SEM1: variants seen among roughly 807,000 people sequenced by gnomAD.
SEM1 encodes 26S proteasome complex subunit SEM1.
Under a neutral mutation model 12.7 loss-of-function variants are expected in SEM1, and 3 were observed. The observed-to-expected ratio is 0.24, with a 90% CI of 0.11 to 0.61. The LOEUF is 0.61. Ranked by LOEUF, SEM1 falls within the 20% of genes least tolerant of loss-of-function variation. The pLI, the probability that SEM1 is intolerant of heterozygous loss-of-function variation, is 0.88. For missense variants in SEM1, 59 were observed against 81.3 expected, an observed-to-expected ratio of 0.73 and a Z score of 1.06; for synonymous variants, 30 against 27.8, an observed-to-expected ratio of 1.08 and a Z score of -0.25.
chr7:96,502,631 A>T (rs1803604153), intron 3 of SEM1, among the ~76,000 whole-genome samples: 1 of 152,176 alleles, frequency 6.6e-6, no homozygotes, highest in African/African-American at 2.4e-5. Context: ...AGCTACTATT[A>T]TTTGGGTTAT....
chr7:96,667,723 C>T (rs1285051696), intron 2 of SEM1, among the ~76,000 whole-genome samples: 5 of 152,192 alleles, frequency 3.3e-5, no homozygotes, highest in Non-Finnish European at 5.9e-5. Context: ...CTGAAGAGAA[C>T]CACATTGCTA....
At chr7:96,572,207 T>C (rs1219253389) in intron 2 of SEM1, among the ~76,000 whole-genome samples, 1 of 152,148 alleles carries the variant, frequency 6.6e-6, no homozygotes, top group African/African-American at 2.4e-5. Flanking sequence ...CATCTATCTG[T>C]TGTGTTAATC....
intron 2 of SEM1, among the ~76,000 whole-genome samples, chr7:96,548,932 A>T (rs919790435): frequency 6.6e-6 from 1 of 152,168 alleles, no homozygotes; most frequent in African/African-American, 2.4e-5. Flanking sequence ...CTGGGGCAAG[A>T]GGTGAGGCAG....
At chr7:96,507,944 T>C (rs943011977) in intron 2 of SEM1, among the ~76,000 whole-genome samples, 4 of 152,142 alleles carry the variant, frequency 2.6e-5, no homozygotes, top group African/African-American at 9.7e-5. Context: ...TCCCTGGGAC[T>C]CTTCCAGTTT....
chr7:96,585,606 A>C (rs1332103864), intron 2 of SEM1, among the ~76,000 whole-genome samples: 3 of 152,232 alleles, frequency 2.0e-5, no homozygotes, highest in African/African-American at 7.2e-5. Flanking sequence ...CTGCTGTGCT[A>C]GCAATCAGCG....
intron 2 of SEM1, among the ~76,000 whole-genome samples, chr7:96,664,946 G>T (rs1171962394): frequency 2.6e-5 from 4 of 152,190 alleles, no homozygotes; most frequent in East Asian, 1.9e-4. Context: ...AGCAGTCTCT[G>T]AAACAATCAT....
At chr7:96,550,355 C>T (rs770048822) in intron 2 of SEM1, among the ~76,000 whole-genome samples, 16 of 152,120 alleles carry the variant, frequency 1.1e-4, no homozygotes, top group Non-Finnish European at 2.2e-4. Context: ...TATTACTGAG[C>T]ACTTGATAAT....
downstream of SEM1, among the ~76,000 whole-genome samples, chr7:96,671,250 G>A (rs912641043): frequency 1.4e-4 from 22 of 152,242 alleles, no homozygotes; most frequent in South Asian, 6.2e-4. Flanking sequence ...TTCTGGGACA[G>A]CTGCATTATG....
At chr7:96,557,437 G>A (rs1394425628) in intron 2 of SEM1, among the ~76,000 whole-genome samples, 1 of 122,296 alleles carries the variant, frequency 8.2e-6, no homozygotes, top group East Asian at 2.5e-4. Flanking sequence ...CAGGTCTGTT[G>A]GAATACCCTG....
chr7:96,647,617 A>G (rs1180343493), intron 2 of SEM1: 4 of 152,192 alleles, frequency 2.6e-5, no homozygotes, highest in African/African-American at 7.2e-5. Context: ...TCTAATCACT[A>G]TTTTATCTTA....
At chr7:96,572,656 A>G (rs1806074709) in intron 2 of SEM1, among the ~76,000 whole-genome samples, 1 of 152,150 alleles carries the variant, frequency 6.6e-6, no homozygotes, top group South Asian at 2.1e-4. Context: ...ACTGTTTGTT[A>G]TGATTTCCAT....
intron 2 of SEM1, chr7:96,622,757 T>A (rs1807936982): frequency 1.5e-5 from 10 of 674,018 alleles, no homozygotes; most frequent in South Asian, 1.1e-4. Context: ...AATCACTTAA[T>A]ACCACTGTGC....
chr7:96,589,684 C>T (rs932499321), intron 2 of SEM1, among the ~76,000 whole-genome samples: 2 of 152,170 alleles, frequency 1.3e-5, no homozygotes, highest in Non-Finnish European at 2.9e-5. Flanking sequence ...ACATTCTGTA[C>T]TGAAATTATG....
chr7:96,592,337 C>T (rs1047780499), intron 2 of SEM1, among the ~76,000 whole-genome samples: 2 of 151,990 alleles, frequency 1.3e-5, no homozygotes, highest in Admixed American at 1.3e-4. Context: ...CTGTTAGAGG[C>T]ACTTGCCCCC....
At chr7:96,490,985 G>A (rs554038331) in intron 1 of SEM1, among the ~76,000 whole-genome samples, 1 of 152,298 alleles carries the variant, frequency 6.6e-6, no homozygotes, top group African/African-American at 2.4e-5. Context: ...CCAGCACACA[G>A]GATCTCTGAG....
chr7:96,662,037 G>A (rs1305219815), intron 2 of SEM1, among the ~76,000 whole-genome samples: 1 of 151,380 alleles, frequency 6.6e-6, no homozygotes, highest in African/African-American at 2.4e-5. Context: ...TGCTGGCAAG[G>A]CTGTGGAGCA....
intron 2 of SEM1, among the ~76,000 whole-genome samples, chr7:96,516,791 A>G (rs1804108167): frequency 2.0e-5 from 3 of 152,214 alleles, no homozygotes; most frequent in African/African-American, 7.2e-5. Context: ...TAGCAGCTTT[A>G]TTCATAATTG....
chr7:96,492,771 G>A (rs1803071598), intron 1 of SEM1, among the ~76,000 whole-genome samples: 1 of 150,976 alleles, frequency 6.6e-6, no homozygotes, highest in Admixed American at 6.6e-5. Context: ...GTGTGTGTGT[G>A]TGTGTGTGTG....
chr7:96,692,413 C>T (rs981300597), intron 2 of SEM1, among the ~76,000 whole-genome samples: 2 of 152,104 alleles, frequency 1.3e-5, no homozygotes, highest in African/African-American at 4.8e-5. Context: ...TGATTAAAAA[C>T]ACAGAGTAGA....
Sources: allele counts gnomAD v4.1 joint callset (sites outside exome capture counted in the v4.1 genomes callset), GRCh38; gene constraint gnomAD v4.1.1; transcripts MANE v1.5; gene names NCBI Gene and HGNC (gene_info 2026-07-23, HGNC 2026-07-21).